PPP6R3: variants seen among roughly 807,000 people sequenced by gnomAD.
The protein encoded by PPP6R3 is serine/threonine-protein phosphatase 6 regulatory subunit 3.
PPP6R3 carries 38 observed loss-of-function variants against 110.7 expected under a neutral mutation model. The observed-to-expected ratio is 0.34, with a 90% CI of 0.26 to 0.45. PPP6R3 has a LOEUF of 0.45. Among genes scored for constraint, PPP6R3 ranks in the 20% least tolerant of loss-of-function variants. The pLI, the probability that PPP6R3 is intolerant of heterozygous loss-of-function variation, is 1.00. For missense variants in PPP6R3, 870 were observed against 1,062.4 expected (o/e 0.82, Z 2.52); for synonymous variants, 369 against 373.5 (o/e 0.99, Z 0.14).
At chr11:68,480,038 A>G (rs1424002754) in intron 1 of PPP6R3, among the ~76,000 whole-genome samples, 1 of 151,162 alleles carries the variant, frequency 6.6e-6, no homozygotes, top group African/African-American at 2.4e-5. Flanking sequence ...GGCCTGGTAT[A>G]TTTCTTCAAT....
intron 1 of PPP6R3, among the ~76,000 whole-genome samples, chr11:68,483,762 G>A (rs1013841126): frequency 1.3e-5 from 2 of 152,172 alleles, no homozygotes; most frequent in African/African-American, 4.8e-5. Context: ...GATTACAGGC[G>A]TGAGCCACTG....
intron 2 of PPP6R3, among the ~76,000 whole-genome samples, chr11:68,533,493 C>T (rs2099252117): frequency 6.6e-6 from 1 of 151,888 alleles, no homozygotes; most frequent in East Asian, 1.9e-4. Flanking sequence ...TGGTCGATTG[C>T]TTGAGTTTGA....
At chr11:68,549,245 C>A (rs905908697) in intron 5 of PPP6R3, among the ~76,000 whole-genome samples, 1 of 152,232 alleles carries the variant, frequency 6.6e-6, no homozygotes, top group Non-Finnish European at 1.5e-5. Context: ...TTCAGTCTAT[C>A]CGTCTTTAAT....
intron 14 of PPP6R3, among the ~76,000 whole-genome samples, chr11:68,581,305 A>C (rs901060973): frequency 6.6e-6 from 1 of 152,232 alleles, no homozygotes; most frequent in Admixed American, 6.5e-5. Context: ...AATGTCTGGC[A>C]CATAGTAGTT....
rs369801611 is a variant in PPP6R3, at chr11:68,596,187, G to A, written c.2007G>A (p.Thr669=). Residue 669 remains threonine (T), a synonymous_variant, in exon 19 of 24, where the codon ACG becomes ACA. Coordinates refer to ENST00000393800, the MANE Select transcript of PPP6R3 (RefSeq NM_001164161.2). ...TGTTTGAACCCAGCAGTGCCAACAC[G>A]GAGGATAAAATGGAGGTGGACCTGA... ...QDLFEPSSAN[T]EDKMEVDLSE... 1.3e-5 allele frequency: 21 copies of A among 1,614,072 alleles called. No individual in the cohort carries two copies. Among genetic ancestry groups the A allele is most frequent in the Non-Finnish European group, 1.7e-5 (20 of 1,180,042 alleles).
chr11:68,529,287 C>T (rs904153223), intron 2 of PPP6R3, among the ~76,000 whole-genome samples: 7 of 152,246 alleles, frequency 4.6e-5, no homozygotes, highest in African/African-American at 1.2e-4. Context: ...GGCACAATCT[C>T]GGCTCACTGC....
At chr11:68,481,076 G>A (rs145290185) in intron 1 of PPP6R3, among the ~76,000 whole-genome samples, 1,553 of 152,264 alleles carry the variant, frequency 0.01, 10 homozygotes, top group African/African-American at 0.012. Context: ...AATCTGTCTC[G>A]AGGAAGGAAG....
At chr11:68,549,951 A>G (rs757147407) in intron 5 of PPP6R3, among the ~76,000 whole-genome samples, 1 of 152,142 alleles carries the variant, frequency 6.6e-6, no homozygotes, top group Non-Finnish European at 1.5e-5. Context: ...TCTGGGATTG[A>G]TTAGTTCGCC....
intron 5 of PPP6R3, among the ~76,000 whole-genome samples, chr11:68,548,899 T>G (rs1042714645): frequency 6.6e-6 from 1 of 152,138 alleles, no homozygotes; most frequent in Non-Finnish European, 1.5e-5. Context: ...CCCTCTTCCT[T>G]TCTTTTTTGA....
chr11:68,602,000 G>C (rs745688273), intron 21 of PPP6R3, 31 bp downstream of exon 21: 64 of 1,525,072 alleles, frequency 4.2e-5, no homozygotes, highest in Non-Finnish European at 5.4e-5. Context: ...GTACACGCCA[G>C]GGTCACGTGG....
intron 4 of PPP6R3, among the ~76,000 whole-genome samples, chr11:68,547,423 C>A (rs2099353641): frequency 6.6e-6 from 1 of 152,156 alleles, no homozygotes; most frequent in Non-Finnish European, 1.5e-5. Context: ...GAGTCATCTC[C>A]CTGGTCTCCC....
At chr11:68,466,987 C>T (rs554129236) in intron 1 of PPP6R3, among the ~76,000 whole-genome samples, 9 of 152,280 alleles carry the variant, frequency 5.9e-5, no homozygotes, top group African/African-American at 1.4e-4. Flanking sequence ...GTGAGCCGCC[C>T]GCCTTGGCCT....
intron 3 of PPP6R3, among the ~76,000 whole-genome samples, chr11:68,540,889 C>T (rs1565705679): frequency 6.6e-6 from 1 of 152,176 alleles, no homozygotes; most frequent in African/African-American, 2.4e-5. Context: ...CTATCCTGTT[C>T]TTTTTTTAAG....
intron 7 of PPP6R3, among the ~76,000 whole-genome samples, chr11:68,556,844 A>G (rs906889949): frequency 6.6e-6 from 1 of 152,176 alleles, no homozygotes; most frequent in Non-Finnish European, 1.5e-5. Context: ...TGGCGTAGCT[A>G]TTGTGGTATT....
chr11:68,506,448 AT>A (rs1172671146), intron 1 of PPP6R3, among the ~76,000 whole-genome samples: 45 of 139,876 alleles, frequency 3.2e-4, no homozygotes, highest in African/African-American at 9.8e-4. Context: ...AAAAAAAAAA[AT>A]TCCTAACTGT....
At chr11:68,521,401 G>A (rs2099163630) in intron 2 of PPP6R3, among the ~76,000 whole-genome samples, 1 of 152,166 alleles carries the variant, frequency 6.6e-6, no homozygotes, top group South Asian at 2.1e-4. Context: ...CTCTCTCCTT[G>A]TTTATTTTGT....
Position 68,537,798 on chromosome 11 carries a change from T to G in PPP6R3, c.134T>G (p.Ile45Arg). 6.2e-7 allele frequency: 1 copy of G among 1,614,056 alleles called. No individual in the cohort carries two copies. The highest frequency in any genetic ancestry group is 1.1e-5 in the South Asian group (1 of 91,082). ...TGTAAAGCTCAGAACCGCAAACTTA[T>G]AGAGTTTCTGTTAAAAGCAGAATGT... ...QECKAQNRKL[I>R]EFLLKAECLE... Residue 45 changes from isoleucine to arginine, a missense_variant, in exon 3 of 24, where the codon ATA becomes AGA. Transcript: ENST00000393800.
At chr11:68,526,509 G>A (rs1177805734) in intron 2 of PPP6R3, among the ~76,000 whole-genome samples, 1 of 152,150 alleles carries the variant, frequency 6.6e-6, no homozygotes, top group East Asian at 1.9e-4. Flanking sequence ...CCCCTCCAAA[G>A]TGCTGAGATT....
rs34666175 is a variant in PPP6R3 at position 68,542,389 on chromosome 11, G to GTTTTTTTTTTTTTTTTTTTTT, written c.228-2447_228-2427dup. On this transcript the variant is annotated intron_variant, in intron 3 of 23. Transcript: ENST00000393800. Reference sequence around the variant, plus strand: ...ATCTTTGGGTGCTTGAGAAGCTGCTGTTTTTTTTTTTTTTTTTTTTTTAAG... The same window carrying GTTTTTTTTTTTTTTTTTTTTT: ...ATCTTTGGGTGCTTGAGAAGCTGCTGTTTTTTTTTTTTTTTTTTTTTTTTTTTTTTTTTTTTTTTTTTTAAG... 2.0e-4 allele frequency among the ~76,000 whole-genome samples: 8 copies of GTTTTTTTTTTTTTTTTTTTTT among 40,206 alleles called. 3 individuals carry two copies. Among genetic ancestry groups the GTTTTTTTTTTTTTTTTTTTTT allele is most frequent in the Non-Finnish European group, 2.9e-4 (7 of 24,216 alleles). The allele number at this position is 40,206 out of a possible 152,430, so 26.4% of individuals were successfully genotyped here. A position where few individuals can be genotyped will look rare whatever the true frequency, so the allele number is the denominator to read the frequency against.
Sources: gnomAD v4.1 joint callset for allele counts (sites outside exome capture counted in the v4.1 genomes callset) on GRCh38, gnomAD v4.1.1 for gene constraint, MANE v1.5 for transcripts, NCBI Gene and HGNC (gene_info 2026-07-23, HGNC 2026-07-21) for gene names.